The following WDR27 variants were observed in gnomAD, a reference collection of about 807,000 sequenced individuals.
WDR27 encodes the protein WD repeat-containing protein 27.
Under a neutral mutation model 114.4 loss-of-function variants are expected in WDR27, and 100 were observed. The ratio of observed to expected loss-of-function variants is 0.87; its 90% CI spans 0.74 to 1.03. The LOEUF (loss-of-function observed/expected upper bound fraction) is 1.03. Ranked by LOEUF, WDR27 falls within the 50% of genes least tolerant of loss-of-function variation. WDR27 has a pLI of 0.00. For synonymous variants in WDR27, 449 were observed against 423.1 expected (o/e 1.06, Z -0.75); for missense variants, 1,129 against 1,092.9 (o/e 1.03, Z -0.47).
intron 2 of WDR27, among the ~76,000 whole-genome samples, chr6:169,677,017 G>T (rs1780235509): frequency 6.6e-6 from 1 of 152,132 alleles, no homozygotes; most frequent in Admixed American, 6.6e-5. Flanking sequence ...AGCAATTCAT[G>T]AAAGGCCTAA....
chr6:169,610,604 A>G (rs183444629), intron 22 of WDR27, among the ~76,000 whole-genome samples: 2 of 152,326 alleles, frequency 1.3e-5, no homozygotes, highest in Non-Finnish European at 2.9e-5. Context: ...GAATTACGGG[A>G]GTACAAGTCA....
At chr6:169,452,501 AGAGAGGAGCCGTGCGTGGGG>A (rs1784192197), downstream of WDR27, among the ~76,000 whole-genome samples, 1 of 20,140 alleles carries the variant, frequency 5.0e-5, no homozygotes, top group African/African-American at 1.0e-4. Flanking sequence ...ACGTGGGGTC[AGAGAGGAGCCGTGCGTGGGG>A]TCAGAGAGGA....
chr6:169,555,922 A>G (rs1798810386), intron 25 of WDR27, among the ~76,000 whole-genome samples: 1 of 152,198 alleles, frequency 6.6e-6, no homozygotes, highest in Non-Finnish European at 1.5e-5. Flanking sequence ...CGATACTCAT[A>G]TAGGGAAAAA....
At chr6:169,511,468 C>A (rs991334374) in intron 25 of WDR27, among the ~76,000 whole-genome samples, 5 of 151,980 alleles carry the variant, frequency 3.3e-5, no homozygotes, top group African/African-American at 1.2e-4. Context: ...TAACTTTGAA[C>A]CCCAAATAAA....
chr6:169,583,500 TATATGTATATATACAC>T (rs1287782760), intron 23 of WDR27, among the ~76,000 whole-genome samples: 1,073 of 30,788 alleles, frequency 0.035, 15 homozygotes, highest in Non-Finnish European at 0.057. Flanking sequence ...TATATATATA[TATATGTATATATACAC>T]ACACACACAC....
Position 169,575,918 on chromosome 6 carries a change from G to A in WDR27, c.2524-3378C>T, listed in dbSNP as rs562095763. ...ACAAATGTTAGTGAAGGGATAACGTGTATCTTAAAATCAAATAAATGTTTT... is the reference window on the plus strand; with the variant it reads ...ACAAATGTTAGTGAAGGGATAACGTATATCTTAAAATCAAATAAATGTTTT... On this transcript the variant is annotated intron_variant, in intron 24 of 25. Coordinates refer to ENST00000448612, the MANE Select transcript of WDR27 (RefSeq NM_182552.5). Among the ~76,000 whole-genome samples, 5 of 152,336 alleles carry A rather than the reference G, an allele frequency of 3.3e-5. No individual in the cohort carries two copies. In the East Asian group the frequency reaches 9.6e-4, roughly 29 times the overall value.
intron 25 of WDR27, among the ~76,000 whole-genome samples, chr6:169,470,342 A>T (rs1026787367): frequency 1.3e-5 from 2 of 152,178 alleles, no homozygotes; most frequent in African/African-American, 4.8e-5. Flanking sequence ...CAGCATGCAC[A>T]TCACAACTCC....
chr6:169,604,116 G>C (rs1452672553), intron 22 of WDR27, among the ~76,000 whole-genome samples: 9 of 151,894 alleles, frequency 5.9e-5, no homozygotes, highest in Non-Finnish European at 1.2e-4. Context: ...GACCAGAGCA[G>C]AATTAAATGA....
At chr6:169,448,386 GTCTC>G in the WDR27 span, among the ~76,000 whole-genome samples, 29 of 127,026 alleles carry the variant, frequency 2.3e-4, no homozygotes, top group African/African-American at 8.6e-4. Flanking sequence ...CTCTGTCTCT[GTCTC>G]TATGTGTGTG....
intron 23 of WDR27, among the ~76,000 whole-genome samples, chr6:169,591,681 C>T (rs1805771806): frequency 6.6e-6 from 1 of 152,068 alleles, no homozygotes; most frequent in South Asian, 2.1e-4. Context: ...ACAGTCATTA[C>T]TCTTTGGATG....
At chr6:169,479,177 A>G (rs867916283) in intron 25 of WDR27, among the ~76,000 whole-genome samples, 22 of 152,182 alleles carry the variant, frequency 1.4e-4, no homozygotes, top group African/African-American at 4.8e-4. Context: ...CCCAGAATCT[A>G]TAGGAAACTT....
intron 25 of WDR27, among the ~76,000 whole-genome samples, chr6:169,525,333 G>A (rs1326037446): frequency 1.3e-5 from 2 of 151,880 alleles, no homozygotes; most frequent in East Asian, 1.9e-4. Flanking sequence ...TCAGGAGATC[G>A]AGACCATCCT....
At chr6:169,532,898 G>C (rs1252340195) in intron 25 of WDR27, among the ~76,000 whole-genome samples, 1 of 151,724 alleles carries the variant, frequency 6.6e-6, no homozygotes, top group Non-Finnish European at 1.5e-5. Context: ...TGTATCACTG[G>C]GAGGTCTCCT....
chr6:169,480,915 G>A (rs1024810174), intron 25 of WDR27, among the ~76,000 whole-genome samples: 1 of 151,356 alleles, frequency 6.6e-6, no homozygotes, highest in African/African-American at 2.4e-5. Flanking sequence ...ATCTGGTGGG[G>A]ACTTGGAGAA....
At chr6:169,611,603 G>A (rs1810548850) in intron 22 of WDR27, among the ~76,000 whole-genome samples, 1 of 152,152 alleles carries the variant, frequency 6.6e-6, no homozygotes, top group African/African-American at 2.4e-5. Context: ...CAAATGCATA[G>A]TGCAGCTGTA....
intron 25 of WDR27, among the ~76,000 whole-genome samples, chr6:169,540,459 T>C (rs952930226): frequency 6.6e-6 from 1 of 151,654 alleles, no homozygotes; most frequent in East Asian, 1.9e-4. Context: ...AGAGGGAGTC[T>C]GGCTCTGTCA....
intron 25 of WDR27, chr6:169,559,650 A>G (rs1799405641): frequency 6.6e-6 from 1 of 152,242 alleles, no homozygotes; most frequent in Non-Finnish European, 1.5e-5. Flanking sequence ...GAGTGTCCAT[A>G]GTAAGAAAGA....
the WDR27 span, among the ~76,000 whole-genome samples, chr6:169,434,217 T>G: frequency 2.0e-5 from 3 of 152,202 alleles, 1 homozygote; most frequent in South Asian, 6.2e-4. Flanking sequence ...TTTTTATGGT[T>G]TTAGGTTTTA....
At chr6:169,544,527 C>T (rs938801481) in intron 25 of WDR27, among the ~76,000 whole-genome samples, 2 of 151,946 alleles carry the variant, frequency 1.3e-5, no homozygotes, top group African/African-American at 2.4e-5. Context: ...CAACCTCCAC[C>T]TCCCAGGTTC....
Sources: gnomAD v4.1 joint callset for allele counts (sites outside exome capture counted in the v4.1 genomes callset) on GRCh38, gnomAD v4.1.1 for gene constraint, MANE v1.5 for transcripts, NCBI Gene and HGNC (gene_info 2026-07-23, HGNC 2026-07-21) for gene names.